Variants in BCR observed in about 807,000 individuals in gnomAD.
BCR encodes BCR activator of RhoGEF and GTPase.
BCR carries 58 observed loss-of-function variants against 138.6 expected under a neutral mutation model. The observed-to-expected ratio is 0.42, with a 90% CI of 0.34 to 0.52. The LOEUF is 0.52. Ranked by LOEUF, BCR falls within the 20% of genes least tolerant of loss-of-function variation. The pLI, the probability that BCR is intolerant of heterozygous loss-of-function variation, is 0.06. For synonymous variants in BCR, 786 were observed against 730.1 expected, an observed-to-expected ratio of 1.08 and a Z score of -1.23; for missense variants, 1,599 against 1,727.2, an observed-to-expected ratio of 0.93 and a Z score of 1.32.
rs765159430 is a variant in BCR at position 23,261,049 on chromosome 22, C to G, written c.1561C>G (p.Leu521Val). 1.9e-6 allele frequency: 3 copies of G among 1,613,432 alleles called. No homozygotes were observed. In the East Asian group the frequency reaches 6.7e-5, roughly 36 times the overall value. The stretch of plus-strand genomic sequence containing the variant: ...TTACCTGAGCCACCTGGAGGCACTG[C>G]TGCTGGTGAGGAGGATTTAGGGAGC... ...ETYLSHLEAL[L>V]LPMKPLKAAA... Residue 521 changes from leucine to valine, a missense_variant, in exon 3 of 23, where the codon CTG becomes GTG. Physicochemically the swap from Leu to Val is conservative, Grantham distance 32. This residue lies in a region of BCR where 590 missense variants were observed against 762.4 expected (regional missense o/e 0.77). Coordinates refer to ENST00000305877, the MANE Select transcript of BCR (RefSeq NM_004327.4).
At chr22:23,199,986 G>A (rs369358391) in intron 1 of BCR, among the ~76,000 whole-genome samples, 4 of 151,932 alleles carry the variant, frequency 2.6e-5, no homozygotes, top group African/African-American at 7.3e-5. Context: ...CACTCAGGAG[G>A]CTGAGGCATG....
chr22:23,245,230 G>A (rs1029171649), intron 1 of BCR, among the ~76,000 whole-genome samples: 3 of 152,200 alleles, frequency 2.0e-5, no homozygotes, highest in African/African-American at 7.2e-5. Context: ...GTCTAGGGTT[G>A]CCTGGGGAGT....
chr22:23,210,278 A>G (rs2072665803), intron 1 of BCR, among the ~76,000 whole-genome samples: 1 of 152,176 alleles, frequency 6.6e-6, no homozygotes. Flanking sequence ...TTAGCTGGGC[A>G]TGGTGGCATG....
At chr22:23,195,420 C>CAAAAAAAA (rs529306820) in intron 1 of BCR, among the ~76,000 whole-genome samples, 1 of 92,296 alleles carries the variant, frequency 1.1e-5, no homozygotes, top group Admixed American at 1.2e-4. Context: ...AACTCCGTCT[C>CAAAAAAAA]AAAAAAAAAA....
Position 23,181,695 on chromosome 22 carries a change from C to G in BCR, c.735C>G (p.Asp245Glu). 12 of 1,604,924 alleles carry G rather than the reference C, an allele frequency of 7.5e-6. No homozygotes were observed. The highest frequency in any genetic ancestry group is 1.0e-5 in the Non-Finnish European group (12 of 1,179,898). The change falls in exon 1 of 23, where the codon GAC becomes GAG. Residue 245 changes from aspartate (D) to glutamate (E), a missense_variant. Around this residue, in one of 4 missense-constraint regions of BCR, gnomAD observed 806 missense variants for 635.0 expected, o/e 1.27. Transcript: ENST00000305877. ...SSESSCGVDGDYEDAELNPRF... is the reference protein window; with the variant it reads ...SSESSCGVDGEYEDAELNPRF... ...AGAGCAGCTGCGGCGTCGACGGCGA[C>G]TACGAGGACGCCGAGTTGAACCCCC...
chr22:23,263,533 T>C, intron 4 of BCR: 2 of 1,577,070 alleles, frequency 1.3e-6, no homozygotes, highest in East Asian at 2.2e-5. Flanking sequence ...GCTAATTTCA[T>C]CCTGGCCTAC....
chr22:23,308,820 G>C (rs1171323247), intron 16 of BCR, among the ~76,000 whole-genome samples: 2 of 152,216 alleles, frequency 1.3e-5, no homozygotes, highest in Admixed American at 6.5e-5. Flanking sequence ...CTGCAGGCTA[G>C]CTGTCTGGAT....
At chr22:23,230,113 C>A (rs2072939940) in intron 1 of BCR, among the ~76,000 whole-genome samples, 1 of 150,442 alleles carries the variant, frequency 6.6e-6, no homozygotes, top group South Asian at 2.1e-4. Context: ...AGTGCCCATG[C>A]TGGGAGGCAA....
At position 23,196,775 on chromosome 22, in the gene BCR, G is replaced by A. The variant is rs140829255; in HGVS notation, c.1279+14536G>A. 1.3e-4 allele frequency among the ~76,000 whole-genome samples: 20 copies of A among 152,180 alleles called. No homozygotes were observed. The East Asian group carries it at 3.5e-3, about 26-fold the overall frequency. ...CCTATGAGAATCTAATACTGCTGCCGGCCTGACAGGAGGTAGAGCTTAGGC... is the reference window on the plus strand; with the variant it reads ...CCTATGAGAATCTAATACTGCTGCCAGCCTGACAGGAGGTAGAGCTTAGGC... On this transcript the variant is annotated intron_variant, in intron 1 of 22. Transcript: ENST00000305877.
intron 1 of BCR, among the ~76,000 whole-genome samples, chr22:23,251,590 A>G (rs2073229280): frequency 6.6e-6 from 1 of 152,228 alleles, no homozygotes; most frequent in African/African-American, 2.4e-5. Flanking sequence ...AAGGACTGAC[A>G]ACAGTCTCCA....
chr22:23,180,920 C>T lies in BCR; in HGVS notation c.-41C>T. On this transcript the variant is annotated 5_prime_UTR_variant, in exon 1 of 23. Coordinates refer to ENST00000305877, the MANE Select transcript of BCR (RefSeq NM_004327.4). Reference sequence around the variant, plus strand: ...GCGCCGCGCCGCCGCTGAGACGGGCCCCGCGCGCAGCCCGGCGGCGCAGGT... The same window carrying T: ...GCGCCGCGCCGCCGCTGAGACGGGCTCCGCGCGCAGCCCGGCGGCGCAGGT... The T allele has an allele frequency of 1.8e-6, 2 of 1,086,544 alleles. No individual in the cohort carries two copies. Among genetic ancestry groups the T allele is most frequent in the Non-Finnish European group, 2.2e-6 (2 of 892,406 alleles). The allele number at this position is 1,086,544 out of a possible 1,614,324, so 67.3% of individuals were successfully genotyped here.
intron 16 of BCR, among the ~76,000 whole-genome samples, chr22:23,296,270 A>T (rs529029514): frequency 6.7e-6 from 1 of 149,532 alleles, no homozygotes; most frequent in East Asian, 2.1e-4. Flanking sequence ...GCTACTCGGG[A>T]GGCCGAGGCA....
intron 19 of BCR, among the ~76,000 whole-genome samples, chr22:23,312,226 C>T (rs1308114892): frequency 6.6e-6 from 1 of 152,230 alleles, no homozygotes; most frequent in Non-Finnish European, 1.5e-5. Context: ...CTGCCTCCAT[C>T]TCACCAACCC....
intron 1 of BCR, among the ~76,000 whole-genome samples, chr22:23,197,151 A>C (rs150178103): frequency 2.6e-5 from 4 of 152,324 alleles, no homozygotes; most frequent in East Asian, 1.9e-4. Flanking sequence ...CCTTTTCTAC[A>C]TTTGGTATGT....
intron 8 of BCR, among the ~76,000 whole-genome samples, chr22:23,280,901 G>A (rs76368157): frequency 6.6e-6 from 1 of 152,212 alleles, no homozygotes; most frequent in African/African-American, 2.4e-5. Flanking sequence ...ATGCCCACAC[G>A]GGGTTACTTG....
intron 1 of BCR, among the ~76,000 whole-genome samples, chr22:23,216,738 T>C (rs1288983896): frequency 6.6e-6 from 1 of 152,260 alleles, no homozygotes; most frequent in East Asian, 1.9e-4. Flanking sequence ...GCCGCTGGCA[T>C]CCGAGGTGGC....
At chr22:23,295,192 A>G (rs199791744) in intron 16 of BCR, 37 bp downstream of exon 16, 113 of 1,372,120 alleles carry the variant, frequency 8.2e-5, no homozygotes, top group Non-Finnish European at 9.9e-5. Context: ...TGCCCGATGC[A>G]TGGCGTCCTT....
In BCR at chr22:23,181,882, C is replaced by T. The variant is rs35536098; in HGVS notation, c.922C>T (p.Arg308Cys). 1,246 of 1,613,306 alleles carry T rather than the reference C, an allele frequency of 7.7e-4. 3 individuals carry two copies. The highest frequency in any genetic ancestry group is 5.8e-4 in the Non-Finnish European group (683 of 1,179,924). The change falls in exon 1 of 23, where the codon CGC (arginine) becomes TGC (cysteine). Residue 308 changes from arginine (R) to cysteine (C), a missense_variant. Arg to Cys is a radical substitution (Grantham distance 180). Coordinates refer to ENST00000305877, the MANE Select transcript of BCR (RefSeq NM_004327.4). ...CCAGAGCACCTCTGAGCAGGAGAAGCGCCTTACCTGGCCCCGCAGGTCCTA... is the reference window on the plus strand; with the variant it reads ...CCAGAGCACCTCTGAGCAGGAGAAGTGCCTTACCTGGCCCCGCAGGTCCTA... ...RSQSTSEQEK[R>C]LTWPRRSYSP...
At chr22:23,188,171 A>G (rs1379465242) in intron 1 of BCR, among the ~76,000 whole-genome samples, 1 of 152,196 alleles carries the variant, frequency 6.6e-6, no homozygotes, top group Non-Finnish European at 1.5e-5. Flanking sequence ...GAGTGGGCAG[A>G]TCTGGGTGGA....
Sources: gnomAD v4.1 joint callset for allele counts (sites outside exome capture counted in the v4.1 genomes callset) on GRCh38, gnomAD v4.1.1 for gene constraint, gnomAD v4.1.1 regional missense constraint, MANE v1.5 for transcripts, NCBI Gene and HGNC (gene_info 2026-07-23, HGNC 2026-07-21) for gene names.